Variants in FANK1 observed in about 807,000 individuals in gnomAD.
FANK1 encodes the protein fibronectin type 3 and ankyrin repeat domains protein 1.
Under a neutral mutation model 45.3 loss-of-function variants are expected in FANK1, and 44 were observed. That is an observed-to-expected ratio of 0.97 (90% CI 0.76 to 1.25). FANK1 has a LOEUF of 1.25. Among genes scored for constraint, FANK1 ranks in the 50% most tolerant of loss-of-function variants. The probability of loss-of-function intolerance (pLI) is 0.00; values close to 1 mark genes in which losing one functional copy is unlikely to be tolerated. For missense variants in FANK1, 391 were observed against 424.4 expected (o/e 0.92, Z 0.69); for synonymous variants, 149 against 152.5 (o/e 0.98, Z 0.17).
intron 1 of FANK1, among the ~76,000 whole-genome samples, chr10:125,927,430 GGTTT>G (rs1375657141): frequency 1.1e-4 from 16 of 152,216 alleles, no homozygotes; most frequent in Admixed American, 2.0e-4. Flanking sequence ...ACATGGCCGT[GGTTT>G]GTTTATTGTT....
rs563372204 is a variant in FANK1 at position 125,981,266 on chromosome 10, G to A, written c.191+928G>A. Reference sequence around the variant, plus strand: ...CTCATGCCTGTAATCTCAGCACTGTGGGAGGCTGAAGTGGGCAGATCCCTT... The same window carrying A: ...CTCATGCCTGTAATCTCAGCACTGTAGGAGGCTGAAGTGGGCAGATCCCTT... On this transcript the variant is annotated intron_variant, in intron 2 of 10. Coordinates refer to ENST00000368693, the MANE Select transcript of FANK1 (RefSeq NM_145235.5). 3.3e-5 allele frequency among the ~76,000 whole-genome samples: 5 copies of A among 152,236 alleles called. No individual in the cohort carries two copies. In the South Asian group the frequency reaches 1.0e-3, roughly 32 times the overall value.
chr10:125,968,358 C>T (rs1416140428), intron 1 of FANK1, among the ~76,000 whole-genome samples: 1 of 152,130 alleles, frequency 6.6e-6, no homozygotes, highest in Non-Finnish European at 1.5e-5. Context: ...ATATAGCATC[C>T]CCCTCAGTGT....
At position 125,966,009 on chromosome 10, in the gene FANK1, T is replaced by C. The variant is rs558913582; in HGVS notation, c.14-14152T>C. 9.2e-5 allele frequency among the ~76,000 whole-genome samples: 14 copies of C among 152,346 alleles called. 1 individual carries two copies. In the East Asian group the frequency reaches 2.7e-3, roughly 29 times the overall value. On this transcript the variant is annotated intron_variant, in intron 1 of 10. Transcript: ENST00000368693. ...AAATCTGAGAGGGAGGCAGGACAGG[T>C]ATCCTTACTTATCCCCCACTTTTCC...
intron 1 of FANK1, among the ~76,000 whole-genome samples, chr10:125,919,336 G>A (rs150995984): frequency 0.018 from 2,711 of 149,896 alleles, 90 homozygotes; most frequent in African/African-American, 0.063. Flanking sequence ...CTCGCTAGTA[G>A]CTGGGATTAC....
At chr10:125,916,491 C>G (rs1360158507) in intron 1 of FANK1, among the ~76,000 whole-genome samples, 22 of 151,930 alleles carry the variant, frequency 1.4e-4, no homozygotes, top group Admixed American at 1.2e-3. Context: ...TTGATTATGT[C>G]TATTTGATAT....
rs890251739 is a variant in FANK1, at chr10:125,941,297, A to C, written c.14-38864A>C. Among the ~76,000 whole-genome samples, 4 of 152,330 alleles carry C rather than the reference A, an allele frequency of 2.6e-5. No individual in the cohort carries two copies. In the East Asian group the frequency reaches 5.8e-4, roughly 22 times the overall value. On this transcript the variant is annotated intron_variant, in intron 1 of 10. Coordinates refer to ENST00000368693, the MANE Select transcript of FANK1 (RefSeq NM_145235.5). The stretch of plus-strand genomic sequence containing the variant: ...ATGGACAATAGACATTTTGCAGAAG[A>C]AGCAATTTGGCAAATAAAATCACGG...
intron 9 of FANK1, 30 bp from the exon 10 acceptor site, chr10:126,009,192 A>G: frequency 1.2e-6 from 2 of 1,614,196 alleles, no homozygotes; most frequent in Non-Finnish European, 1.7e-6. Context: ...ATTTATAAGC[A>G]TGTAAAATTT....
chr10:125,997,609 G>A, intron 6 of FANK1, 124 bp downstream of exon 6: 2 of 823,966 alleles, frequency 2.4e-6, no homozygotes, highest in Non-Finnish European at 1.9e-6. Context: ...TGAGAGGTGA[G>A]TGGGTCGCTG....
At chr10:125,959,975 C>T (rs560071711) in intron 1 of FANK1, among the ~76,000 whole-genome samples, 148 of 152,210 alleles carry the variant, frequency 9.7e-4, no homozygotes, top group African/African-American at 3.4e-3. Flanking sequence ...ACAAAAAACC[C>T]ATACTGTTAT....
chr10:125,947,222 C>T (rs1948869902), intron 1 of FANK1, among the ~76,000 whole-genome samples: 2 of 151,874 alleles, frequency 1.3e-5, no homozygotes, highest in Admixed American at 6.6e-5. Flanking sequence ...GCAAAATAAC[C>T]AGCTAACATC....
intron 1 of FANK1, among the ~76,000 whole-genome samples, chr10:125,897,991 T>A (rs1944699853): frequency 5.3e-5 from 1 of 18,740 alleles, no homozygotes; most frequent in Non-Finnish European, 1.1e-4. Context: ...CCATCTCTAC[T>A]AAAATACAAA....
chr10:125,931,064 G>A (rs899150163), intron 1 of FANK1, among the ~76,000 whole-genome samples: 1 of 152,132 alleles, frequency 6.6e-6, no homozygotes, highest in Non-Finnish European at 1.5e-5. Flanking sequence ...TTTTATGACC[G>A]AGTAATATGC....
intron 3 of FANK1, chr10:125,994,409 GT>G (rs1564958183): frequency 1.0e-6 from 1 of 985,258 alleles, no homozygotes; most frequent in African/African-American, 1.7e-5. Context: ...GACCTTTGAG[GT>G]TTTTTTAGAC....
chr10:125,961,932 G>A (rs146389776), intron 1 of FANK1, among the ~76,000 whole-genome samples: 102 of 152,258 alleles, frequency 6.7e-4, no homozygotes, highest in African/African-American at 2.2e-3. Flanking sequence ...TGATAGAGCA[G>A]AAGCTTGCCT....
intron 1 of FANK1, among the ~76,000 whole-genome samples, chr10:125,916,530 T>C (rs1946460772): frequency 6.6e-6 from 1 of 152,096 alleles, no homozygotes; most frequent in Non-Finnish European, 1.5e-5. Context: ...AATATACCAT[T>C]TGCATTATCC....
At chr10:125,909,696 T>C (rs796189469) in intron 1 of FANK1, among the ~76,000 whole-genome samples, 4 of 148,580 alleles carry the variant, frequency 2.7e-5, no homozygotes, top group African/African-American at 9.9e-5. Flanking sequence ...CTTTTTTTTT[T>C]TTTTTTTTTT....
chr10:125,982,651 T>C (rs937391584), intron 2 of FANK1, among the ~76,000 whole-genome samples: 1 of 152,264 alleles, frequency 6.6e-6, no homozygotes, highest in Non-Finnish European at 1.5e-5. Flanking sequence ...TAAGAACTTC[T>C]TCCTGATTTG....
chr10:125,913,420 A>G (rs745590382), intron 1 of FANK1, among the ~76,000 whole-genome samples: 8 of 152,146 alleles, frequency 5.3e-5, no homozygotes, highest in Non-Finnish European at 1.2e-4. Flanking sequence ...TTTATGAAAC[A>G]GACAGCTGTC....
chr10:125,908,652 C>T (rs1298341276), intron 1 of FANK1, among the ~76,000 whole-genome samples: 1 of 151,968 alleles, frequency 6.6e-6, no homozygotes, highest in Non-Finnish European at 1.5e-5. Flanking sequence ...GTACAGTGTA[C>T]CCTGCTCGAG....
Sources: allele counts gnomAD v4.1 joint callset (sites outside exome capture counted in the v4.1 genomes callset), GRCh38; gene constraint gnomAD v4.1.1; transcripts MANE v1.5; gene names NCBI Gene and HGNC (gene_info 2026-07-23, HGNC 2026-07-21).